The following PLA2R1 variants were observed in gnomAD, a reference collection of about 807,000 sequenced individuals.
PLA2R1 encodes the protein phospholipase A2 receptor 1, also known as secretory phospholipase A2 receptor.
A neutral mutation model predicts 195.9 loss-of-function variants in PLA2R1; 158 were observed. The observed-to-expected ratio is 0.81, with a 90% CI of 0.71 to 0.92. PLA2R1 has a LOEUF of 0.92. Among genes scored for constraint, PLA2R1 ranks in the 40% least tolerant of loss-of-function variants. PLA2R1 has a pLI of 0.00. For synonymous variants in PLA2R1, 586 were observed against 598.2 expected, an observed-to-expected ratio of 0.98 and a Z score of 0.30; for missense variants, 1,626 against 1,764.6, an observed-to-expected ratio of 0.92 and a Z score of 1.41.
At chr2:159,964,102 C>T (rs1179729095) in intron 20 of PLA2R1, among the ~76,000 whole-genome samples, 1 of 152,092 alleles carries the variant, frequency 6.6e-6, no homozygotes, top group East Asian at 1.9e-4. Context: ...TGCTAAAGCA[C>T]AAATGAACCT....
chr2:159,951,534 G>A lies in PLA2R1; in HGVS notation c.3346C>T (p.Pro1116Ser). 6.3e-7 allele frequency: 1 copy of A among 1,598,838 alleles called. No individual in the cohort carries two copies. The highest frequency in any genetic ancestry group is 1.1e-5 in the South Asian group (1 of 90,886). Reference protein sequence around the residue: ...GVNTSDMYPMPNTLEYGNRTY... With the variant: ...GVNTSDMYPMSNTLEYGNRTY... ...CTGTTTCCATATTCTAAGGTATTGG[G>A]CATTGGATACATATCAGATGTATTT... Residue 1116 changes from proline (P) to serine (S), a missense_variant, in exon 24 of 30, where the codon CCC becomes TCC. Coordinates refer to ENST00000283243, the MANE Select transcript of PLA2R1 (RefSeq NM_007366.5).
chr2:159,979,864 T>G lies in PLA2R1; in HGVS notation c.2234A>C (p.Asn745Thr), dbSNP rs960099751. 2 of 1,607,034 alleles carry G rather than the reference T, an allele frequency of 1.2e-6. No individual in the cohort carries two copies. The highest frequency in any genetic ancestry group is 1.7e-6 in the Non-Finnish European group (2 of 1,174,020). ...WIGFNKRNPL[N>T]AGSWEWSDRT... is the part of the protein sequence containing the mutation. The stretch of plus-strand genomic sequence containing the variant: ...ATCAGACCACTCCCATGAGCCGGCA[T>G]TCAGTGGGTTTCTTTTATTAAATCC... The change falls in exon 14 of 30, where the codon AAT becomes ACT. Residue 745 changes from asparagine (N) to threonine (T), a missense_variant. Coordinates refer to ENST00000283243, the MANE Select transcript of PLA2R1 (RefSeq NM_007366.5).
At chr2:159,985,624 T>G (rs1690272928) in intron 12 of PLA2R1, among the ~76,000 whole-genome samples, 1 of 152,192 alleles carries the variant, frequency 6.6e-6, no homozygotes, top group Non-Finnish European at 1.5e-5. Context: ...ATTTGTTTGA[T>G]CTTCACATGT....
chr2:159,971,505 T>A (rs1006307603), intron 17 of PLA2R1, among the ~76,000 whole-genome samples: 4 of 149,878 alleles, frequency 2.7e-5, no homozygotes, highest in Admixed American at 2.0e-4. Flanking sequence ...CACACACACA[T>A]TAGGGCAGAT....
chr2:160,048,629 G>A (rs1222257682), intron 1 of PLA2R1, among the ~76,000 whole-genome samples: 1 of 152,102 alleles, frequency 6.6e-6, no homozygotes, highest in African/African-American at 2.4e-5. Flanking sequence ...GTGCATAGTT[G>A]TTGGATTTTT....
At chr2:159,972,672 C>G (rs1689268169) in intron 17 of PLA2R1, among the ~76,000 whole-genome samples, 1 of 152,082 alleles carries the variant, frequency 6.6e-6, no homozygotes, top group Non-Finnish European at 1.5e-5. Context: ...TGGTAAATTG[C>G]CATTTCAAAA....
Position 159,970,174 on chromosome 2 carries a change from T to C in PLA2R1, c.2634A>G (p.Gln878=), listed in dbSNP as rs376640575. The C allele has an allele frequency of 8.7e-6, 14 of 1,609,616 alleles. No homozygotes were observed. Among genetic ancestry groups the C allele is most frequent in the African/African-American group, 6.7e-5 (5 of 74,836 alleles). Residue 878 remains glutamine, a synonymous_variant, in exon 18 of 30, where the codon CAA becomes CAG. Transcript: ENST00000283243. ...GAAATTCATCATTGGCTCTTTCTTCTTGAAGTCCAATCCACCAACTTGCAC... is the reference window on the plus strand; with the variant it reads ...GAAATTCATCATTGGCTCTTTCTTCCTGAAGTCCAATCCACCAACTTGCAC... The part of the protein sequence containing the change: ...KYGASWWIGL[Q]EERANDEFRW...
rs928901312 is a variant in PLA2R1, at chr2:159,940,369, G to A, written c.*1409C>T. 6.6e-6 allele frequency: 1 copy of A among 152,160 alleles called. No individual in the cohort carries two copies. The highest frequency in any genetic ancestry group is 2.4e-5 in the African/African-American group (1 of 41,444). The allele number at this position is 152,160 out of a possible 1,614,324, so 9.4% of individuals were successfully genotyped here. A position where few individuals can be genotyped will look rare whatever the true frequency, so the allele number is the denominator to read the frequency against. On this transcript the variant is annotated 3_prime_UTR_variant, in exon 30 of 30. Coordinates refer to ENST00000283243, the MANE Select transcript of PLA2R1 (RefSeq NM_007366.5). Reference sequence around the variant, plus strand: ...CATGAAAAGATAGCCCTTACCCCAAGTTGCTCACCTTAGTACCTCTGTTTC... The same window carrying A: ...CATGAAAAGATAGCCCTTACCCCAAATTGCTCACCTTAGTACCTCTGTTTC...
chr2:159,993,587 A>G (rs1385573054), intron 11 of PLA2R1, among the ~76,000 whole-genome samples: 1 of 151,922 alleles, frequency 6.6e-6, no homozygotes, highest in Non-Finnish European at 1.5e-5. Flanking sequence ...CCATCAGAAG[A>G]AACCAGGGTT....
intron 23 of PLA2R1, among the ~76,000 whole-genome samples, chr2:159,954,512 GTA>G (rs56988544): frequency 0.58 from 85,540 of 147,084 alleles, 26,731 homozygotes; most frequent in Non-Finnish European, 0.71. Flanking sequence ...TTCCAAATAA[GTA>G]TATATATATA....
intron 2 of PLA2R1, among the ~76,000 whole-genome samples, chr2:160,043,550 TC>T (rs1333752759): frequency 2.0e-5 from 3 of 152,138 alleles, no homozygotes; most frequent in African/African-American, 7.2e-5. Context: ...ATGTCACCAG[TC>T]ACCAGCCTTA....
In PLA2R1 at chr2:160,016,708, C is replaced by T. The variant is rs745772924; in HGVS notation, c.1457G>A (p.Gly486Glu). ...TTCACAATTTTTGACTTTCCAGTGT[C>T]CCTCCTACGGAGAAAAATGTTACAA... ...QLCVSAEQSE[G>E]HWKVKNCEER... The change falls in exon 9 of 30, where the codon GGA (glycine) becomes GAA (glutamate). Residue 486 changes from glycine to glutamate, a missense_variant. Physicochemically the swap from Gly to Glu is moderately conservative, Grantham distance 98. Coordinates refer to ENST00000283243, the MANE Select transcript of PLA2R1 (RefSeq NM_007366.5). 6.5e-7 allele frequency: 1 copy of T among 1,540,442 alleles called. No individual in the cohort carries two copies. The highest frequency in any genetic ancestry group is 1.7e-5 in the Admixed American group (1 of 59,918).
intron 11 of PLA2R1, among the ~76,000 whole-genome samples, chr2:159,988,996 T>C (rs1454291524): frequency 6.6e-6 from 1 of 152,240 alleles, no homozygotes; most frequent in Non-Finnish European, 1.5e-5. Flanking sequence ...AAGATGGTTC[T>C]GATCTGGAAG....
At position 159,994,750 on chromosome 2, in the gene PLA2R1, T is replaced by G. The variant is rs184740913; in HGVS notation, c.1835-7392A>C. ...GTGGTTCTACTACTGGTAGATACCA[T>G]CTGGTGGTAATACTATTTGATAAAC... On this transcript the variant is annotated intron_variant, in intron 11 of 29. Transcript: ENST00000283243. 1.3e-4 allele frequency among the ~76,000 whole-genome samples: 20 copies of G among 152,094 alleles called. No homozygotes were observed. The East Asian group carries it at 3.9e-3, about 29-fold the overall frequency.
intron 10 of PLA2R1, among the ~76,000 whole-genome samples, chr2:160,009,345 T>C (rs961297072): frequency 5.3e-5 from 8 of 152,220 alleles, no homozygotes; most frequent in Middle Eastern, 3.2e-3. Flanking sequence ...AATATGTGTA[T>C]ATACATACAA....
At position 159,949,926 on chromosome 2, in the gene PLA2R1, C is replaced by T. The variant is rs576316117; in HGVS notation, c.3541-150G>A. ...TAGGACATCTGTGAATACAGCTTGACAAACAGGAATATCTGCCACAAATGA... is the reference window on the plus strand; with the variant it reads ...TAGGACATCTGTGAATACAGCTTGATAAACAGGAATATCTGCCACAAATGA... On this transcript the variant is annotated intron_variant, in intron 24 of 29. Coordinates refer to ENST00000283243, the MANE Select transcript of PLA2R1 (RefSeq NM_007366.5). 5.0e-6 allele frequency: 3 copies of T among 602,988 alleles called. No individual in the cohort carries two copies. In the South Asian group the frequency reaches 7.0e-5, roughly 14 times the overall value. 37.4% of individuals were successfully genotyped at this position (602,988 alleles called of 1,614,324 possible). A position where few individuals can be genotyped will look rare whatever the true frequency, so the allele number is the denominator to read the frequency against.
Position 159,977,362 on chromosome 2 carries a change from C to T in PLA2R1, c.2323G>A (p.Ala775Thr), listed in dbSNP as rs1689636625. The T allele has an allele frequency of 6.2e-7, 1 of 1,612,492 alleles. No individual in the cohort carries two copies. ...TYFGEDARNC[A>T]VYKANKTLLP... is the part of the protein sequence containing the mutation. ...AATGTTTTGTTTGCCTTATAAACAG[C>T]ACAGTTTCTTGCATCTTCTCCAAAA... is the stretch of plus-strand genomic sequence containing the variant. The change falls in exon 15 of 30, where the codon GCT becomes ACT. Residue 775 changes from alanine (A) to threonine (T), a missense_variant. Transcript: ENST00000283243.
rs149509734 is a variant in PLA2R1, at chr2:159,960,296, C to T, written c.2905-3669G>A. ...AGAACCACATAACTTTCCTTCATCACGTACAGCACAGTTTTAAATTACACA... is the reference window on the plus strand; with the variant it reads ...AGAACCACATAACTTTCCTTCATCATGTACAGCACAGTTTTAAATTACACA... On this transcript the variant is annotated intron_variant, in intron 20 of 29. Coordinates refer to ENST00000283243, the MANE Select transcript of PLA2R1 (RefSeq NM_007366.5). Among the ~76,000 whole-genome samples the T allele has an allele frequency of 8.8e-3, 1,347 of 152,272 alleles. 5 individuals are homozygous for T. Among genetic ancestry groups the T allele is most frequent in the Non-Finnish European group, 0.014 (982 of 68,030 alleles).
At chr2:159,996,702 T>C (rs933539803) in intron 11 of PLA2R1, among the ~76,000 whole-genome samples, 1 of 152,144 alleles carries the variant, frequency 6.6e-6, no homozygotes, top group African/African-American at 2.4e-5. Context: ...CCACAGTTCT[T>C]GAATATTCTG....
Sources: gnomAD v4.1 joint callset for allele counts (sites outside exome capture counted in the v4.1 genomes callset) on GRCh38, gnomAD v4.1.1 for gene constraint, MANE v1.5 for transcripts, NCBI Gene and HGNC (gene_info 2026-07-23, HGNC 2026-07-21) for gene names.